POTEJ: variants seen among roughly 807,000 people sequenced by gnomAD.
The protein encoded by POTEJ is POTE ankyrin domain family, member J.
In POTEJ, 11 loss-of-function variants were observed where a neutral mutation model predicts 69.0. That is an observed-to-expected ratio of 0.16 (90% CI 0.10 to 0.26). The LOEUF (loss-of-function observed/expected upper bound fraction) is 0.26, where lower values mean the gene tolerates loss of function less well. Ranked by LOEUF, POTEJ falls within the 10% of genes least tolerant of loss-of-function variation. POTEJ has a pLI of 1.00. For missense variants in POTEJ, 327 were observed against 1,045.5 expected, an observed-to-expected ratio of 0.31 and a Z score of 9.48; for synonymous variants, 117 against 381.1, an observed-to-expected ratio of 0.31 and a Z score of 8.07.
At chr2:130,641,059 A>T (rs566603757) in intron 10 of POTEJ, among the ~76,000 whole-genome samples, 1 of 152,204 alleles carries the variant, frequency 6.6e-6, no homozygotes, top group Admixed American at 6.5e-5. Flanking sequence ...TATCTACTTA[A>T]CCGTGCTGTT....
chr2:130,618,844 TG>T (rs1685456629), intron 3 of POTEJ, among the ~76,000 whole-genome samples: 1 of 123,366 alleles, frequency 8.1e-6, no homozygotes, highest in Non-Finnish European at 1.6e-5. Flanking sequence ...TGCAGTGGTG[TG>T]ATCACAGCTC....
At chr2:130,626,661 T>C (rs1321970990) in intron 6 of POTEJ, among the ~76,000 whole-genome samples, 5 of 152,186 alleles carry the variant, frequency 3.3e-5, no homozygotes, top group Non-Finnish European at 7.3e-5. Context: ...GAAGGTTCTT[T>C]ACCCTGTAAA....
chr2:130,657,005 T>A lies in POTEJ; in HGVS notation c.2245T>A (p.Trp749Arg), dbSNP rs1687025502. 6.3e-7 allele frequency: 1 copy of A among 1,583,246 alleles called. No individual in the cohort carries two copies. Among genetic ancestry groups the A allele is most frequent in the Non-Finnish European group, 8.6e-7 (1 of 1,157,710 alleles). ...ITNWDDMEKI[W>R]HHTFYNELRV... ...CAACTGGGATGACATGGAGAAGATC[T>A]GGCACCACACCTTCTACAACGAGCT... The change falls in exon 15 of 15, where the codon TGG becomes AGG. Residue 749 changes from tryptophan (W) to arginine (R), a missense_variant. Coordinates refer to ENST00000409602, the MANE Select transcript of POTEJ (RefSeq NM_001277083.2).
At chr2:130,613,382 GTGTATATATATATATA>G (rs1654764316) in intron 1 of POTEJ, among the ~76,000 whole-genome samples, 2 of 85,520 alleles carry the variant, frequency 2.3e-5, no homozygotes, top group Non-Finnish European at 5.1e-5. Flanking sequence ...GTGTGTGTGT[GTGTATATATATATATA>G]TATATATATA....
At chr2:130,651,890 T>C (rs556791520) in intron 13 of POTEJ, among the ~76,000 whole-genome samples, 1 of 145,388 alleles carries the variant, frequency 6.9e-6, no homozygotes, top group East Asian at 1.9e-4. Flanking sequence ...TGAGATCATT[T>C]TGTTTTCAAA....
intron 6 of POTEJ, among the ~76,000 whole-genome samples, chr2:130,626,894 T>G (rs1348376983): frequency 5.9e-5 from 9 of 152,178 alleles, no homozygotes; most frequent in African/African-American, 2.2e-4. Flanking sequence ...AGAAATAACA[T>G]TAATAGTTGG....
intron 1 of POTEJ, among the ~76,000 whole-genome samples, chr2:130,615,440 G>A (rs571099429): frequency 7.7e-6 from 1 of 130,184 alleles, no homozygotes. Flanking sequence ...AGGAACGAGA[G>A]CATGTCCTTT....
intron 14 of POTEJ, among the ~76,000 whole-genome samples, chr2:130,655,339 A>G (rs1412517048): frequency 6.6e-6 from 1 of 152,216 alleles, no homozygotes; most frequent in African/African-American, 2.4e-5. Flanking sequence ...GCTACTGAAA[A>G]CAGATTTTCT....
chr2:130,626,673 A>C (rs1204521368), intron 6 of POTEJ, among the ~76,000 whole-genome samples: 1 of 152,174 alleles, frequency 6.6e-6, no homozygotes, highest in Admixed American at 6.5e-5. Context: ...CCCTGTAAAG[A>C]AACCAGGAGA....
chr2:130,641,388 C>T lies in POTEJ; in HGVS notation c.1370-2595C>T, dbSNP rs187740964. ...TTTTACTATGTTGGCCTTCGTTATG[C>T]CTTTTTCACTTGTTTTGCTTAATTT... is the stretch of plus-strand genomic sequence containing the variant. On this transcript the variant is annotated intron_variant, in intron 10 of 14. Transcript: ENST00000409602. 1.4e-3 allele frequency among the ~76,000 whole-genome samples: 208 copies of T among 148,858 alleles called. 3 individuals are homozygous for T. In the East Asian group the frequency reaches 0.036, roughly 26 times the overall value.
chr2:130,643,996 G>A lies in POTEJ; in HGVS notation c.1383G>A (p.Lys461=). The A allele has an allele frequency of 4.6e-6, 1 of 215,740 alleles. No homozygotes were observed. Among genetic ancestry groups the A allele is most frequent in the Non-Finnish European group, 8.2e-6 (1 of 121,320 alleles). The allele number at this position is 215,740 out of a possible 1,614,324, so 13.4% of individuals were successfully genotyped here. The change falls in exon 11 of 15, where the codon AAG becomes AAA. Residue 461 remains lysine (K), a synonymous_variant. Coordinates refer to ENST00000409602, the MANE Select transcript of POTEJ (RefSeq NM_001277083.2). ...SENSNPEQDL[K]LTSEEESQRL... ...ATTTTTCAACAGAACAAGACTTAAA[G>A]CTGACATCAGAGGAAGAGTCACAAA...
chr2:130,636,480 G>GAA (rs66975392), intron 9 of POTEJ, among the ~76,000 whole-genome samples: 3 of 137,220 alleles, frequency 2.2e-5, no homozygotes, highest in South Asian at 2.2e-4. Flanking sequence ...TTTTGTATTA[G>GAA]AAAAAAAAAA....
chr2:130,637,430 C>T (rs1288422598), intron 9 of POTEJ, among the ~76,000 whole-genome samples: 3 of 149,854 alleles, frequency 2.0e-5, no homozygotes, highest in South Asian at 2.1e-4. Context: ...GCCTCAGCCT[C>T]CCAAGGAGCT....
intron 13 of POTEJ, among the ~76,000 whole-genome samples, chr2:130,647,106 C>A: frequency 6.6e-6 from 1 of 150,682 alleles, no homozygotes; most frequent in South Asian, 2.1e-4. Context: ...AGCTCAATTT[C>A]CGTATCCCCA....
At chr2:130,619,962 G>T (rs1685492917) in intron 3 of POTEJ, 83 bp from the exon 4 acceptor site, 1 of 1,581,134 alleles carries the variant, frequency 6.3e-7, no homozygotes, top group African/African-American at 1.4e-5. Context: ...AAGTCCATAA[G>T]ATCTTATATA....
At position 130,656,603 on chromosome 2, in the gene POTEJ, C is replaced by G; in HGVS notation, c.1843C>G (p.Arg615Gly). The change falls in exon 15 of 15, where the codon CGG (arginine) becomes GGG (glycine). Residue 615 changes from arginine to glycine, a missense_variant. Transcript: ENST00000409602. ...RDFLHENSML[R>G]EEIAMLRLEL... ...CTTCTTGCATGAAAATAGTATGTTGCGGGAAGAAATTGCCATGCTAAGACT... is the reference window on the plus strand; with the variant it reads ...CTTCTTGCATGAAAATAGTATGTTGGGGGAAGAAATTGCCATGCTAAGACT... 6.2e-7 allele frequency: 1 copy of G among 1,606,812 alleles called. No homozygotes were observed. The highest frequency in any genetic ancestry group is 1.1e-5 in the South Asian group (1 of 90,924).
intron 13 of POTEJ, among the ~76,000 whole-genome samples, chr2:130,652,067 T>C (rs1686828606): frequency 7.2e-6 from 1 of 138,274 alleles, no homozygotes; most frequent in Non-Finnish European, 1.5e-5. Flanking sequence ...TGGGAGGTGA[T>C]TGGCTCATGG....
intron 10 of POTEJ, among the ~76,000 whole-genome samples, chr2:130,639,944 T>G: frequency 6.6e-6 from 1 of 152,244 alleles, no homozygotes; most frequent in Non-Finnish European, 1.5e-5. Flanking sequence ...CATTGTCATT[T>G]TTATTATTTT....
chr2:130,649,252 G>A (rs1226474584), intron 13 of POTEJ, among the ~76,000 whole-genome samples: 1 of 150,056 alleles, frequency 6.7e-6, no homozygotes, highest in Non-Finnish European at 1.5e-5. Context: ...TCCAAAATTG[G>A]GCTACTGATG....
Sources: allele counts gnomAD v4.1 joint callset (sites outside exome capture counted in the v4.1 genomes callset), GRCh38; gene constraint gnomAD v4.1.1; transcripts MANE v1.5; gene names NCBI Gene and HGNC (gene_info 2026-07-23, HGNC 2026-07-21).